LIAS: variants seen among roughly 807,000 people sequenced by gnomAD.
LIAS encodes lipoic acid synthetase.
A neutral mutation model predicts 49.4 loss-of-function variants in LIAS; 36 were observed. The ratio of observed to expected loss-of-function variants is 0.73; its 90% CI spans 0.56 to 0.96. LIAS has a LOEUF of 0.96. Ranked by LOEUF, LIAS falls within the 40% of genes least tolerant of loss-of-function variation. LIAS has a pLI of 0.00. For missense variants in LIAS, 399 were observed against 456.3 expected (o/e 0.87, Z 1.14); for synonymous variants, 145 against 155.8 (o/e 0.93, Z 0.52).
chr4:39,469,980 C>G, intron 7 of LIAS, 39 bp from the exon 8 acceptor site: 2 of 1,579,792 alleles, frequency 1.3e-6, no homozygotes, highest in Non-Finnish European at 1.7e-6. Context: ...CTTGGTTGAA[C>G]TTGTAATTCT....
At position 39,460,910 on chromosome 4, in the gene LIAS, A is replaced by G; in HGVS notation, c.166A>G (p.Arg56Gly). 6.2e-7 allele frequency: 1 copy of G among 1,613,056 alleles called. No homozygotes were observed. Among genetic ancestry groups the G allele is most frequent in the Non-Finnish European group, 8.5e-7 (1 of 1,179,576 alleles). The change falls in exon 2 of 11, where the codon AGG becomes GGG. Residue 56 changes from arginine (R) to glycine (G), a missense_variant. Arg to Gly is a moderately radical substitution (Grantham distance 125). Coordinates refer to ENST00000640888, the MANE Select transcript of LIAS (RefSeq NM_006859.4). ...TTTTGTATCTGGTGATCTTGCAGACAGGAGCACCTGGGATGAATATAAAGG... is the reference window on the plus strand; with the variant it reads ...TTTTGTATCTGGTGATCTTGCAGACGGGAGCACCTGGGATGAATATAAAGG... Reference protein sequence around the residue: ...QDFVSGDLADRSTWDEYKGNL... With the variant: ...QDFVSGDLADGSTWDEYKGNL...
rs1744460773 is a variant in LIAS, at chr4:39,460,878, T to C, written c.134T>C (p.Leu45Pro). The C allele has an allele frequency of 1.2e-6, 2 of 1,613,496 alleles. No homozygotes were observed. Among genetic ancestry groups the C allele is most frequent in the Non-Finnish European group, 1.7e-6 (2 of 1,179,702 alleles). Residue 45 changes from leucine (L) to proline (P), a missense_variant, in exon 2 of 11, where the codon CTT becomes CCT. Leu to Pro is a moderately conservative substitution (Grantham distance 98, BLOSUM62 -3). Around this residue, in one of 3 missense-constraint regions of LIAS, gnomAD observed 159 missense variants for 147.6 expected, o/e 1.08. Transcript: ENST00000640888. Reference sequence around the variant, plus strand: ...GAACTCCTACAGAATGGACCAGACCTTCAAGATTTTGTATCTGGTGATCTT... The same window carrying C: ...GAACTCCTACAGAATGGACCAGACCCTCAAGATTTTGTATCTGGTGATCTT... The part of the protein sequence containing the change: ...KKELLQNGPD[L>P]QDFVSGDLAD...
intron 9 of LIAS, among the ~76,000 whole-genome samples, chr4:39,471,671 C>T (rs1744996220): frequency 6.6e-6 from 1 of 151,624 alleles, no homozygotes; most frequent in Non-Finnish European, 1.5e-5. Context: ...GGATTACAGG[C>T]ACACACTACC....
At chr4:39,470,408 T>G in intron 8 of LIAS, 1 of 352,660 alleles carries the variant, frequency 2.8e-6, no homozygotes, top group Admixed American at 4.3e-5. Flanking sequence ...GATACAAAAT[T>G]TATATCCCAT....
At position 39,470,110 on chromosome 4, in the gene LIAS, T is replaced by G. The variant is rs755181898; in HGVS notation, c.829T>G (p.Ser277Ala). 1 of 1,613,896 alleles carries G rather than the reference T, an allele frequency of 6.2e-7. No individual in the cohort carries two copies. The highest frequency in any genetic ancestry group is 1.1e-5 in the South Asian group (1 of 91,080). ...TCAGCCTGATGTTATTTCTAAAACATCTATAATGTTGGGTTTAGGCGAGAA... is the reference window on the plus strand; with the variant it reads ...TCAGCCTGATGTTATTTCTAAAACAGCTATAATGTTGGGTTTAGGCGAGAA... ...KVQPDVISKT[S>A]IMLGLGENDE... The change falls in exon 8 of 11, where the codon TCT (serine) becomes GCT (alanine). Residue 277 changes from serine to alanine, a missense_variant. Ser to Ala is a moderately conservative substitution (Grantham distance 99, BLOSUM62 1). This residue lies in a region of LIAS where 234 missense variants were observed against 292.2 expected (regional missense o/e 0.80). Transcript: ENST00000640888.
Position 39,459,115 on chromosome 4 carries a change from G to GA in LIAS, c.1dup. 6.2e-7 allele frequency: 1 copy of GA among 1,614,118 alleles called. No individual in the cohort carries two copies. On this transcript the variant is annotated 5_prime_UTR_variant, in exon 1 of 11. Transcript: ENST00000640888. ...CCTGCACTGCGCTAGTCCTAAAGAG[G>GA]AAATGTCTCTACGCTGCGGGGATGC... is the stretch of plus-strand genomic sequence containing the variant.
chr4:39,478,348 A>T lies in LIAS; in HGVS notation c.*1233A>T, dbSNP rs1398718070. On this transcript the variant is annotated 3_prime_UTR_variant, in exon 11 of 11. Coordinates refer to ENST00000640888, the MANE Select transcript of LIAS (RefSeq NM_006859.4). ...GTGAAACTCCATTGCTACTAAAAAT[A>T]AAAAAATTAGCTAGGTGTGTTGGCA... is the stretch of plus-strand genomic sequence containing the variant. 1 of 152,120 alleles carries T rather than the reference A, an allele frequency of 6.6e-6. No homozygotes were observed. The allele number at this position is 152,120 out of a possible 1,614,324, so 9.4% of individuals were successfully genotyped here.
At chr4:39,472,446 A>G (rs1745028686) in intron 9 of LIAS, among the ~76,000 whole-genome samples, 1 of 152,218 alleles carries the variant, frequency 6.6e-6, no homozygotes, top group Non-Finnish European at 1.5e-5. Flanking sequence ...TATTATCTAC[A>G]TAAATCAGCT....
At chr4:39,470,299 T>TG in intron 8 of LIAS, 135 bp downstream of exon 8, 1 of 561,770 alleles carries the variant, frequency 1.8e-6, no homozygotes, top group Non-Finnish European at 3.0e-6. Context: ...GAAACCAACT[T>TG]GCACATGCAC....
chr4:39,476,474 A>G (rs1045881893), intron 10 of LIAS: 3 of 152,440 alleles, frequency 2.0e-5, no homozygotes, highest in Non-Finnish European at 4.4e-5. Context: ...TGTAAGAGCA[A>G]TAGACTAAAT....
chr4:39,465,252 A>G (rs773272401), intron 5 of LIAS, 33 bp from the exon 6 acceptor site: 1 of 1,613,034 alleles, frequency 6.2e-7, no homozygotes, highest in Non-Finnish European at 8.5e-7. Context: ...AAATGATGAC[A>G]TCATCCTGAG....
chr4:39,464,925 C>T, intron 4 of LIAS, 121 bp from the exon 5 acceptor site: 1 of 697,776 alleles, frequency 1.4e-6, no homozygotes, highest in Non-Finnish European at 2.3e-6. Flanking sequence ...TTGAATGTTT[C>T]AAATTTCTTA....
At chr4:39,463,698 G>T in intron 4 of LIAS, 93 bp downstream of exon 4, 1 of 1,437,870 alleles carries the variant, frequency 7.0e-7, no homozygotes, top group South Asian at 1.5e-5. Flanking sequence ...ATGAATCTCT[G>T]GTCAGATTTT....
chr4:39,470,191 T>G, intron 8 of LIAS, 27 bp downstream of exon 8: 1 of 1,598,264 alleles, frequency 6.3e-7, no homozygotes, highest in Non-Finnish European at 8.6e-7. Context: ...ATGAAAAATC[T>G]TTCCCATGTA....
chr4:39,470,104 A>G lies in LIAS; in HGVS notation c.823A>G (p.Lys275Glu). Residue 275 changes from lysine (K) to glutamate (E), a missense_variant, in exon 8 of 11, where the codon AAA becomes GAA. Physicochemically the swap from Lys to Glu is moderately conservative, Grantham distance 56. Around this residue, in one of 3 missense-constraint regions of LIAS, gnomAD observed 234 missense variants for 292.2 expected, o/e 0.80. Coordinates refer to ENST00000640888, the MANE Select transcript of LIAS (RefSeq NM_006859.4). ...GAAGGTTCAGCCTGATGTTATTTCTAAAACATCTATAATGTTGGGTTTAGG... is the reference window on the plus strand; with the variant it reads ...GAAGGTTCAGCCTGATGTTATTTCTGAAACATCTATAATGTTGGGTTTAGG... The part of the protein sequence containing the change: ...AKKVQPDVIS[K>E]TSIMLGLGEN... The G allele has an allele frequency of 6.2e-7, 1 of 1,613,960 alleles. No individual in the cohort carries two copies. Among genetic ancestry groups the G allele is most frequent in the Non-Finnish European group, 8.5e-7 (1 of 1,179,844 alleles).
intron 7 of LIAS, chr4:39,467,847 C>T (rs1395382693): frequency 3.4e-5 from 11 of 323,582 alleles, no homozygotes; most frequent in Non-Finnish European, 1.1e-5. Context: ...AAATATCACC[C>T]ATAATAGTAT....
Position 39,469,776 on chromosome 4 carries a change from A to G in LIAS, c.738-243A>G, listed in dbSNP as rs28375184. On this transcript the variant is annotated intron_variant, in intron 7 of 10. Coordinates refer to ENST00000640888, the MANE Select transcript of LIAS (RefSeq NM_006859.4). ...CTTCAGAATTCTGGTTTCTCAATGC[A>G]TAAACTGAAGTAATTTCTTCCATTC... 4.2e-3 allele frequency: 1,506 copies of G among 360,960 alleles called. 21 individuals carry two copies. The highest frequency in any genetic ancestry group is 0.027 in the African/African-American group (1,283 of 48,054). 22.4% of individuals were successfully genotyped at this position (360,960 alleles called of 1,614,324 possible).
In LIAS at chr4:39,477,243, C is replaced by G; in HGVS notation, c.*128C>G. ...CCTCTTTGCTTAAAAAAAAAAATGT[C>G]AATAGCCAGGCATAGTGGCTCACGC... On this transcript the variant is annotated 3_prime_UTR_variant, in exon 11 of 11. Transcript: ENST00000640888. The G allele has an allele frequency of 1.4e-6, 1 of 711,196 alleles. No individual in the cohort carries two copies. The allele number at this position is 711,196 out of a possible 1,614,324, so 44.1% of individuals were successfully genotyped here. A position where few individuals can be genotyped will look rare whatever the true frequency, so the allele number is the denominator to read the frequency against.
Position 39,470,078 on chromosome 4 carries a change from A to T in LIAS, c.797A>T (p.Lys266Met). ...TCCCTACGTGTACTGAAACATGCCA[A>T]GAAGGTTCAGCCTGATGTTATTTCT... ...DQSLRVLKHA[K>M]KVQPDVISKT... The change falls in exon 8 of 11, where the codon AAG (lysine) becomes ATG (methionine). Residue 266 changes from lysine (K) to methionine (M), a missense_variant. Transcript: ENST00000640888. 6.2e-7 allele frequency: 1 copy of T among 1,614,124 alleles called. No homozygotes were observed. Among genetic ancestry groups the T allele is most frequent in the Non-Finnish European group, 8.5e-7 (1 of 1,179,958 alleles).
Sources: allele counts gnomAD v4.1 joint callset (sites outside exome capture counted in the v4.1 genomes callset), GRCh38; gene constraint gnomAD v4.1.1; regional missense constraint gnomAD v4.1.1; transcripts MANE v1.5; gene names NCBI Gene and HGNC (gene_info 2026-07-23, HGNC 2026-07-21).